The following PCDHGA4 variants were observed in gnomAD, a reference collection of about 807,000 sequenced individuals.
PCDHGA4 encodes protocadherin gamma-A4.
Under a neutral mutation model 54.6 loss-of-function variants are expected in PCDHGA4, and 38 were observed. The observed-to-expected ratio is 0.70, with a 90% CI of 0.54 to 0.91. The LOEUF (loss-of-function observed/expected upper bound fraction) is 0.91, where lower values mean the gene tolerates loss of function less well. PCDHGA4 is among the 40% of genes least tolerant of loss of function. PCDHGA4 has a pLI of 0.00. For missense variants in PCDHGA4, 1,298 were observed against 1,220.9 expected, an observed-to-expected ratio of 1.06 and a Z score of -0.94; for synonymous variants, 511 against 512.9, an observed-to-expected ratio of 1.00 and a Z score of 0.05.
In PCDHGA4 at chr5:141,476,928, T is replaced by C. The variant is rs1279715094; in HGVS notation, c.2515-17879T>C. 6.2e-7 allele frequency: 1 copy of C among 1,614,142 alleles called. No individual in the cohort carries two copies. The highest frequency in any genetic ancestry group is 2.2e-5 in the East Asian group (1 of 44,868). On this transcript the variant is annotated intron_variant, in intron 1 of 3. Transcript: ENST00000571252. This position sits in a 1 kb window ranked among gnomAD's most constrained non-coding sequence, Gnocchi z 7.6. ...GTGGTACAAGTCCTTGCAACGGATC[T>C]GGATGAAGGCCCCAACGGTGAAATT...
chr5:141,478,497 CGGTGTTCTATAGGCA>C, intron 1 of PCDHGA4: 1 of 1,612,820 alleles, frequency 6.2e-7, no homozygotes, highest in South Asian at 1.1e-5. Flanking sequence ...AGCTGTGATC[CGGTGTTCTATAGGCA>C]GGTGTTGGGT....
At chr5:141,420,699 C>T (rs2096518531) in intron 1 of PCDHGA4, among the ~76,000 whole-genome samples, 1 of 152,236 alleles carries the variant, frequency 6.6e-6, no homozygotes, top group African/African-American at 2.4e-5. Context: ...ATTATTTCCA[C>T]TTCCAGAAAT....
Position 141,486,243 on chromosome 5 carries a change from G to T in PCDHGA4, c.2515-8564G>T. ...TACATCACAGTGACCTCAGAGCTTG[G>T]AACCCTCCCCGAGAGTGCAGAACCT... is the stretch of plus-strand genomic sequence containing the variant. On this transcript the variant is annotated intron_variant, in intron 1 of 3. Coordinates refer to ENST00000571252, the MANE Select transcript of PCDHGA4 (RefSeq NM_018917.4). The surrounding 1 kb of genome is among the most constrained non-coding windows in gnomAD (Gnocchi z 5.0). 1 of 1,614,156 alleles carries T rather than the reference G, an allele frequency of 6.2e-7. No individual in the cohort carries two copies. Among genetic ancestry groups the T allele is most frequent in the Non-Finnish European group, 8.5e-7 (1 of 1,180,018 alleles).
Position 141,431,570 on chromosome 5 carries a change from G to T in PCDHGA4, c.2515-63237G>T. On this transcript the variant is annotated intron_variant, in intron 1 of 3. Coordinates refer to ENST00000571252, the MANE Select transcript of PCDHGA4 (RefSeq NM_018917.4). This position sits in a 1 kb window ranked among gnomAD's most constrained non-coding sequence, Gnocchi z 4.8. The stretch of plus-strand genomic sequence containing the variant: ...TGTAGTCAACGCTACCGACCCTGAC[G>T]AAGGAGTCAATGCGGAAGTGAGGTA... The T allele has an allele frequency of 6.2e-7, 1 of 1,614,172 alleles. No homozygotes were observed. Among genetic ancestry groups the T allele is most frequent in the Non-Finnish European group, 8.5e-7 (1 of 1,180,024 alleles).
rs1760208975 is a variant in PCDHGA4 at position 141,356,392 on chromosome 5, T to C, written c.1285T>C (p.Tyr429His). ...TCTGCCATTCACACTTGAAAAGACC[T>C]ATGGAAATTATTATCGGTTGTTGAC... ...DNLPFTLEKTYGNYYRLLTHR... is the reference protein window; with the variant it reads ...DNLPFTLEKTHGNYYRLLTHR... The change falls in exon 1 of 4, where the codon TAT becomes CAT. Residue 429 changes from tyrosine to histidine, a missense_variant. Coordinates refer to ENST00000571252, the MANE Select transcript of PCDHGA4 (RefSeq NM_018917.4). 6.3e-7 allele frequency: 1 copy of C among 1,577,696 alleles called. No homozygotes were observed. The highest frequency in any genetic ancestry group is 8.6e-7 in the Non-Finnish European group (1 of 1,160,840).
rs1280923293 is a variant in PCDHGA4 at position 141,478,837 on chromosome 5, G to A, written c.2515-15970G>A. ...AACTAACCAATCTTGCTAAGGGATG[G>A]TTAAGCTAAAACACAAGATCTCAGC... is the stretch of plus-strand genomic sequence containing the variant. On this transcript the variant is annotated intron_variant, in intron 1 of 3. Transcript: ENST00000571252. 3.5e-6 allele frequency: 5 copies of A among 1,428,112 alleles called. No homozygotes were observed. The African/African-American group carries it at 5.8e-5, about 16-fold the overall frequency. The allele number at this position is 1,428,112 out of a possible 1,614,324, so 88.5% of individuals were successfully genotyped here.
chr5:141,448,545 A>T lies in PCDHGA4; in HGVS notation c.2515-46262A>T, dbSNP rs537259621. On this transcript the variant is annotated intron_variant, in intron 1 of 3. Coordinates refer to ENST00000571252, the MANE Select transcript of PCDHGA4 (RefSeq NM_018917.4). ...AGCATCCTGTCAGCATTTCTTATGC[A>T]AATATGTACATATATTTTTATTTCC... 1.5e-4 allele frequency among the ~76,000 whole-genome samples: 23 copies of T among 152,334 alleles called. 1 individual carries two copies. The South Asian group carries it at 2.7e-3, about 18-fold the overall frequency.
rs542113846 is a variant in PCDHGA4 at position 141,433,037 on chromosome 5, A to G, written c.2515-61770A>G. ...GACCTATTCCCACGAGGTTTCCCTCACCACGGACTCGCGGAAGAGTCACCT... is the reference window on the plus strand; with the variant it reads ...GACCTATTCCCACGAGGTTTCCCTCGCCACGGACTCGCGGAAGAGTCACCT... On this transcript the variant is annotated intron_variant, in intron 1 of 3. Coordinates refer to ENST00000571252, the MANE Select transcript of PCDHGA4 (RefSeq NM_018917.4). 249 of 1,614,172 alleles carry G rather than the reference A, an allele frequency of 1.5e-4. 6 individuals are homozygous for G. The South Asian group carries it at 2.5e-3, about 16-fold the overall frequency.
chr5:141,420,005 C>T, intron 1 of PCDHGA4: 2 of 1,614,056 alleles, frequency 1.2e-6, no homozygotes, highest in Non-Finnish European at 1.7e-6. Context: ...TCTACGCCTG[C>T]GACAGTCTTT....
At position 141,374,995 on chromosome 5, in the gene PCDHGA4, T is replaced by C. The variant is rs551496415; in HGVS notation, c.2514+17374T>C. ...TTTTGACTGGAGAAATTTCAACTTC[T>C]GCAAATCTAGACTATGAGGACTCGA... On this transcript the variant is annotated intron_variant, in intron 1 of 3. Transcript: ENST00000571252. 4 of 1,613,956 alleles carry C rather than the reference T, an allele frequency of 2.5e-6. No individual in the cohort carries two copies. The Admixed American group carries it at 5.0e-5, about 20-fold the overall frequency.
intron 1 of PCDHGA4, chr5:141,404,674 T>C: frequency 1.9e-6 from 3 of 1,614,176 alleles, no homozygotes; most frequent in East Asian, 2.2e-5. Context: ...GTTCTACTGG[T>C]GTGGAGCTGG....
intron 1 of PCDHGA4, chr5:141,361,514 A>T (rs765118611): frequency 6.8e-6 from 11 of 1,614,028 alleles, no homozygotes; most frequent in Non-Finnish European, 9.3e-6. Context: ...TACATGGTTC[A>T]CGTGGCAGAG....
At chr5:141,453,001 G>C (rs1225973632) in intron 1 of PCDHGA4, among the ~76,000 whole-genome samples, 3 of 152,168 alleles carry the variant, frequency 2.0e-5, no homozygotes, top group African/African-American at 7.2e-5. Flanking sequence ...AAAGTTACCT[G>C]TAGTATAGTT....
intron 1 of PCDHGA4, among the ~76,000 whole-genome samples, chr5:141,406,629 A>G (rs2094832755): frequency 6.6e-6 from 1 of 152,188 alleles, no homozygotes; most frequent in Non-Finnish European, 1.5e-5. Context: ...TCATATCTTC[A>G]AAGGTCTTAA....
chr5:141,356,635 C>T lies in PCDHGA4; in HGVS notation c.1528C>T (p.Pro510Ser). 1.2e-6 allele frequency: 2 copies of T among 1,614,140 alleles called. No homozygotes were observed. The highest frequency in any genetic ancestry group is 1.6e-4 in the Middle Eastern group (1 of 6,062). The change falls in exon 1 of 4, where the codon CCT (proline) becomes TCT (serine). Residue 510 changes from proline (P) to serine (S), a missense_variant. Coordinates refer to ENST00000571252, the MANE Select transcript of PCDHGA4 (RefSeq NM_018917.4). Reference protein sequence around the residue: ...ASILSMTAQDPDSGDNARITY... With the variant: ...ASILSMTAQDSDSGDNARITY... Reference sequence around the variant, plus strand: ...CATCTTATCTATGACTGCTCAAGACCCTGACAGTGGTGACAATGCCCGAAT... The same window carrying T: ...CATCTTATCTATGACTGCTCAAGACTCTGACAGTGGTGACAATGCCCGAAT...
intron 1 of PCDHGA4, chr5:141,419,577 C>T: frequency 3.7e-6 from 6 of 1,611,732 alleles, no homozygotes; most frequent in Non-Finnish European, 5.1e-6. Flanking sequence ...GACGGCTCCG[C>T]GCTCTTCGAC....
intron 1 of PCDHGA4, among the ~76,000 whole-genome samples, chr5:141,447,724 A>T (rs2098549653): frequency 6.6e-6 from 1 of 152,126 alleles, no homozygotes. Flanking sequence ...ATTTTCCAAA[A>T]CTCATTGAAC....
At chr5:141,427,869 AC>A in intron 1 of PCDHGA4, 1 of 1,559,604 alleles carries the variant, frequency 6.4e-7, no homozygotes, top group Non-Finnish European at 8.8e-7. Context: ...CTTCGAGCTC[AC>A]GATGCAGGCC....
Position 141,432,502 on chromosome 5 carries a change from C to T in PCDHGA4, c.2515-62305C>T. On this transcript the variant is annotated intron_variant, in intron 1 of 3. Transcript: ENST00000571252. This position sits in a 1 kb window ranked among gnomAD's most constrained non-coding sequence, Gnocchi z 6.0. ...CTGGCGTGGAGCTGGCTCCCCGCTC[C>T]GCAGAGCCCGGCTACCTGGTGACCA... 6.2e-7 allele frequency: 1 copy of T among 1,614,142 alleles called. No individual in the cohort carries two copies. The highest frequency in any genetic ancestry group is 8.5e-7 in the Non-Finnish European group (1 of 1,180,042).
Sources: allele counts gnomAD v4.1 joint callset (sites outside exome capture counted in the v4.1 genomes callset), GRCh38; gene constraint gnomAD v4.1.1; non-coding constraint Gnocchi (gnomAD v3.1); transcripts MANE v1.5; gene names NCBI Gene and HGNC (gene_info 2026-07-23, HGNC 2026-07-21).